Variants in TMEM131L observed in about 807,000 individuals in gnomAD.
The protein encoded by TMEM131L is transmembrane 131 like.
TMEM131L carries 54 observed loss-of-function variants against 192.2 expected under a neutral mutation model. The observed-to-expected ratio is 0.28, with a 90% CI of 0.23 to 0.35. The LOEUF is 0.35. TMEM131L is among the 10% of genes least tolerant of loss of function. The pLI, the probability that TMEM131L is intolerant of heterozygous loss-of-function variation, is 1.00. For missense variants in TMEM131L, 1,888 were observed against 1,972.9 expected, an observed-to-expected ratio of 0.96 and a Z score of 0.82; for synonymous variants, 701 against 704.9, an observed-to-expected ratio of 0.99 and a Z score of 0.09.
intron 31 of TMEM131L, among the ~76,000 whole-genome samples, chr4:153,628,408 C>T (rs867282007): frequency 5.9e-5 from 9 of 152,154 alleles, no homozygotes; most frequent in Admixed American, 2.0e-4. Context: ...TCTTGCCTAA[C>T]GTGGGTCAGG....
intron 3 of TMEM131L, among the ~76,000 whole-genome samples, chr4:153,498,962 A>C (rs969433429): frequency 1.3e-5 from 2 of 152,240 alleles, no homozygotes; most frequent in Non-Finnish European, 2.9e-5. Flanking sequence ...CATTTGGGGT[A>C]TGTAAGCCTG....
chr4:153,612,653 A>G (rs898572289), intron 26 of TMEM131L, among the ~76,000 whole-genome samples: 5 of 152,184 alleles, frequency 3.3e-5, no homozygotes, highest in Admixed American at 6.5e-5. Flanking sequence ...ATTCCTAGGT[A>G]ATGATGGCAG....
chr4:153,573,300 T>C (rs1033411154), intron 7 of TMEM131L, among the ~76,000 whole-genome samples: 4 of 152,272 alleles, frequency 2.6e-5, no homozygotes, highest in African/African-American at 4.8e-5. Flanking sequence ...GCTGTGCCCA[T>C]GCTACTCAAG....
At chr4:153,566,979 G>A (rs567468490) in intron 7 of TMEM131L, among the ~76,000 whole-genome samples, 5 of 152,208 alleles carry the variant, frequency 3.3e-5, no homozygotes, top group South Asian at 2.1e-4. Flanking sequence ...TTGCGGTCCC[G>A]GGCTGCCTAC....
At chr4:153,518,924 G>A (rs1217900739) in intron 3 of TMEM131L, among the ~76,000 whole-genome samples, 1 of 152,110 alleles carries the variant, frequency 6.6e-6, no homozygotes, top group East Asian at 1.9e-4. Context: ...AATTCTAGTC[G>A]GTGGGGTGGT....
intron 3 of TMEM131L, among the ~76,000 whole-genome samples, chr4:153,509,114 G>A (rs561694210): frequency 1.2e-4 from 19 of 152,036 alleles, no homozygotes; most frequent in Non-Finnish European, 4.4e-5. Context: ...GGAGATTGAG[G>A]CAGGGGGATC....
chr4:153,507,019 A>T (rs1734038607), intron 3 of TMEM131L, among the ~76,000 whole-genome samples: 1 of 152,148 alleles, frequency 6.6e-6, no homozygotes, highest in Non-Finnish European at 1.5e-5. Context: ...AGAAGTGGAT[A>T]CTGAGACAGT....
At chr4:153,486,959 A>G (rs1383913697) in intron 3 of TMEM131L, among the ~76,000 whole-genome samples, 1 of 152,228 alleles carries the variant, frequency 6.6e-6, no homozygotes, top group Non-Finnish European at 1.5e-5. Flanking sequence ...TGAGCGGTCT[A>G]GGGCAGTGTT....
intron 3 of TMEM131L, among the ~76,000 whole-genome samples, chr4:153,494,411 A>T (rs896583804): frequency 6.6e-6 from 1 of 152,180 alleles, no homozygotes; most frequent in African/African-American, 2.4e-5. Flanking sequence ...TGTTTATGAT[A>T]CTTCTTTACA....
intron 3 of TMEM131L, among the ~76,000 whole-genome samples, chr4:153,527,520 G>A (rs1025631423): frequency 2.6e-5 from 4 of 152,080 alleles, no homozygotes; most frequent in Admixed American, 6.6e-5. Flanking sequence ...CAAGTGATCC[G>A]CTTGCCTTGG....
chr4:153,488,032 A>T (rs918756676), intron 3 of TMEM131L, among the ~76,000 whole-genome samples: 39 of 138,328 alleles, frequency 2.8e-4, no homozygotes, highest in Non-Finnish European at 3.1e-5. Context: ...TGAGCCTATG[A>T]CTGAGGGGTG....
intron 3 of TMEM131L, among the ~76,000 whole-genome samples, chr4:153,499,186 C>T (rs746713758): frequency 1.3e-5 from 2 of 152,200 alleles, no homozygotes; most frequent in Admixed American, 6.5e-5. Flanking sequence ...TCCGAGGCTG[C>T]GCCTTGTAAC....
intron 3 of TMEM131L, among the ~76,000 whole-genome samples, chr4:153,516,704 G>T (rs538079082): frequency 6.6e-5 from 10 of 152,232 alleles, no homozygotes; most frequent in African/African-American, 1.9e-4. Flanking sequence ...TTCTGTACTT[G>T]CCCTCCAGAA....
chr4:153,500,035 T>TCCTC (rs149910622), intron 3 of TMEM131L, among the ~76,000 whole-genome samples: 2,818 of 138,716 alleles, frequency 0.02, 93 homozygotes, highest in African/African-American at 0.069. Flanking sequence ...GAACCAACCT[T>TCCTC]CCTTCCTCCC....
intron 3 of TMEM131L, among the ~76,000 whole-genome samples, chr4:153,497,278 T>C (rs1286222389): frequency 2.6e-5 from 4 of 152,232 alleles, no homozygotes; most frequent in Non-Finnish European, 5.9e-5. Context: ...GGGAGCATTC[T>C]GCAAGCATCA....
intron 3 of TMEM131L, among the ~76,000 whole-genome samples, chr4:153,525,560 G>A (rs1432421827): frequency 6.6e-6 from 1 of 152,134 alleles, no homozygotes; most frequent in African/African-American, 2.4e-5. Context: ...GGCTGGTCTC[G>A]AGCTCCTGAC....
chr4:153,593,673 T>G, intron 18 of TMEM131L, 126 bp from the exon 19 acceptor site: 1 of 640,234 alleles, frequency 1.6e-6, no homozygotes, highest in South Asian at 1.9e-5. Flanking sequence ...TGGGATGAAT[T>G]TTGTGTGTAT....
intron 26 of TMEM131L, among the ~76,000 whole-genome samples, chr4:153,619,659 A>G (rs1331585820): frequency 6.6e-6 from 1 of 152,230 alleles, no homozygotes; most frequent in East Asian, 1.9e-4. Flanking sequence ...CTAATATCTC[A>G]GACATAGAAC....
intron 3 of TMEM131L, among the ~76,000 whole-genome samples, chr4:153,503,194 CAT>C (rs914189649): frequency 3.9e-5 from 6 of 152,212 alleles, no homozygotes; most frequent in African/African-American, 1.2e-4. Context: ...AGCAAATGCA[CAT>C]GTGATGTTTT....
Sources: allele counts gnomAD v4.1 joint callset (sites outside exome capture counted in the v4.1 genomes callset), GRCh38; gene constraint gnomAD v4.1.1; transcripts MANE v1.5; gene names NCBI Gene and HGNC (gene_info 2026-07-23, HGNC 2026-07-21).